Variants in FRMD4A observed in about 807,000 individuals in gnomAD.
FRMD4A encodes FERM domain-containing protein 4A.
A neutral mutation model predicts 129.1 loss-of-function variants in FRMD4A; 29 were observed. The observed-to-expected ratio is 0.22, with a 90% CI of 0.17 to 0.31. The LOEUF (loss-of-function observed/expected upper bound fraction) is 0.31. Among genes scored for constraint, FRMD4A ranks in the 10% least tolerant of loss-of-function variants. The pLI, the probability that FRMD4A is intolerant of heterozygous loss-of-function variation, is 1.00. For missense variants in FRMD4A, 1,272 were observed against 1,375.8 expected, an observed-to-expected ratio of 0.92 and a Z score of 1.19; for synonymous variants, 634 against 571.6, an observed-to-expected ratio of 1.11 and a Z score of -1.56.
chr10:13,700,277 C>T (rs1203699939), intron 14 of FRMD4A, among the ~76,000 whole-genome samples: 1 of 150,852 alleles, frequency 6.6e-6, no homozygotes, highest in Admixed American at 6.6e-5. Context: ...TTATCACCTC[C>T]CCCTTGACCC....
At chr10:13,910,982 G>C (rs1361589263) in intron 2 of FRMD4A, among the ~76,000 whole-genome samples, 2 of 149,172 alleles carry the variant, frequency 1.3e-5, no homozygotes, top group South Asian at 2.1e-4. Context: ...AATGAAAACT[G>C]CCTCTGAAAT....
chr10:14,233,827 C>A (rs1251585508), intron 2 of FRMD4A, among the ~76,000 whole-genome samples: 1 of 152,182 alleles, frequency 6.6e-6, no homozygotes, highest in Non-Finnish European at 1.5e-5. Flanking sequence ...ATTTCAAGAG[C>A]TAAAGTCAGA....
Position 13,975,769 on chromosome 10 carries a change from G to A in FRMD4A, c.46-116857C>T, listed in dbSNP as rs570204548. On this transcript the variant is annotated intron_variant, in intron 2 of 24. Transcript: ENST00000357447. ...GTCTCTTGTGTTTCTATGTGTGTGT[G>A]TACACACCTTCATCTTACAGAGGAG... Among the ~76,000 whole-genome samples the A allele has an allele frequency of 3.3e-5, 5 of 151,872 alleles. No individual in the cohort carries two copies. The South Asian group carries it at 1.0e-3, about 32-fold the overall frequency.
intron 2 of FRMD4A, among the ~76,000 whole-genome samples, chr10:13,954,492 C>A (rs533785953): frequency 1.3e-5 from 2 of 152,132 alleles, no homozygotes; most frequent in Admixed American, 6.5e-5. Context: ...AACCTCCCAC[C>A]GGGTCTCTCT....
intron 2 of FRMD4A, among the ~76,000 whole-genome samples, chr10:14,137,712 C>T (rs56371922): frequency 6.6e-6 from 1 of 152,078 alleles, no homozygotes; most frequent in African/African-American, 2.4e-5. Flanking sequence ...CATCTCTCTT[C>T]ATTAGCCATC....
At chr10:13,750,535 C>T (rs1445633697) in intron 8 of FRMD4A, among the ~76,000 whole-genome samples, 1 of 152,292 alleles carries the variant, frequency 6.6e-6, no homozygotes, top group East Asian at 1.9e-4. Context: ...CACCCTTGGG[C>T]TCTGATGTAA....
At chr10:14,299,979 G>A (rs1846132559) in intron 2 of FRMD4A, among the ~76,000 whole-genome samples, 1 of 151,964 alleles carries the variant, frequency 6.6e-6, no homozygotes, top group Admixed American at 6.6e-5. Flanking sequence ...GAAAGAGAAA[G>A]TGCAAAGTGA....
At chr10:13,681,578 G>GTA (rs376558569) in intron 15 of FRMD4A, among the ~76,000 whole-genome samples, 85 of 151,332 alleles carry the variant, frequency 5.6e-4, no homozygotes, top group African/African-American at 8.0e-4. Context: ...ATGTATATGT[G>GTA]TATATATATA....
At chr10:14,174,136 G>A (rs925916444) in intron 2 of FRMD4A, among the ~76,000 whole-genome samples, 1 of 151,806 alleles carries the variant, frequency 6.6e-6, no homozygotes, top group Non-Finnish European at 1.5e-5. Context: ...GAGCCATGTC[G>A]GGAGCCGTGG....
intron 2 of FRMD4A, among the ~76,000 whole-genome samples, chr10:14,319,327 T>G (rs1280835405): frequency 9.4e-6 from 1 of 105,976 alleles, no homozygotes; most frequent in African/African-American, 3.1e-5. Flanking sequence ...TTTACAGCAG[T>G]AGTAACTGAA....
At chr10:13,953,063 T>C (rs1458130595) in intron 2 of FRMD4A, among the ~76,000 whole-genome samples, 2 of 152,114 alleles carry the variant, frequency 1.3e-5, no homozygotes, top group African/African-American at 4.8e-5. Context: ...TCATAGCTAT[T>C]ACCTTACACC....
chr10:13,873,382 G>A (rs2094458807), intron 2 of FRMD4A, among the ~76,000 whole-genome samples: 1 of 152,080 alleles, frequency 6.6e-6, no homozygotes, highest in Non-Finnish European at 1.5e-5. Flanking sequence ...ATGAGGAAGT[G>A]AAGATTGAGA....
In FRMD4A at chr10:13,856,018, CTATCTAT is replaced by C. The variant is rs2094207181; in HGVS notation, c.111+2822_111+2828del. Among the ~76,000 whole-genome samples the C allele has an allele frequency of 4.4e-3, 102 of 23,164 alleles. 1 individual carries two copies. The highest frequency in any genetic ancestry group is 0.011 in the African/African-American group (96 of 8,918). 15.2% of individuals were successfully genotyped at this position (23,164 alleles called of 152,430 possible). On this transcript the variant is annotated intron_variant, in intron 3 of 24. Coordinates refer to ENST00000357447, the MANE Select transcript of FRMD4A (RefSeq NM_018027.5). ...TTAGCTTACCACACACAAATACTAT[CTATCTAT>C]CTATCTATCTATCTATCTATCTATC...
chr10:14,241,819 C>G (rs1234099533), intron 2 of FRMD4A, among the ~76,000 whole-genome samples: 1 of 150,708 alleles, frequency 6.6e-6, no homozygotes, highest in Non-Finnish European at 1.5e-5. Flanking sequence ...TGTTGTCCAT[C>G]TGCCCTACAG....
chr10:14,289,149 G>A (rs1278664150), intron 2 of FRMD4A, among the ~76,000 whole-genome samples: 1 of 152,058 alleles, frequency 6.6e-6, no homozygotes, highest in Admixed American at 6.6e-5. Flanking sequence ...TGGGATTGCT[G>A]GTTTATATGA....
intron 15 of FRMD4A, among the ~76,000 whole-genome samples, chr10:13,678,175 C>T (rs74393947): frequency 6.6e-6 from 1 of 152,188 alleles, no homozygotes; most frequent in African/African-American, 2.4e-5. Context: ...GCCTAGATAC[C>T]AAGCCCACAG....
At chr10:13,779,300 A>T (rs1041656965) in intron 6 of FRMD4A, among the ~76,000 whole-genome samples, 2 of 148,306 alleles carry the variant, frequency 1.3e-5, no homozygotes, top group African/African-American at 5.0e-5. Flanking sequence ...TGGGCTACAG[A>T]GTGAGACTCC....
intron 2 of FRMD4A, among the ~76,000 whole-genome samples, chr10:13,941,391 T>C (rs562997542): frequency 3.8e-4 from 58 of 152,352 alleles, no homozygotes; most frequent in African/African-American, 1.3e-3. Context: ...AACTTCTTTT[T>C]CTTTATAAGT....
chr10:14,110,585 T>C lies in FRMD4A; in HGVS notation c.45+219473A>G, dbSNP rs182229783. On this transcript the variant is annotated intron_variant, in intron 2 of 24. Coordinates refer to ENST00000357447, the MANE Select transcript of FRMD4A (RefSeq NM_018027.5). Reference sequence around the variant, plus strand: ...CAAGACTGGAAGATACTCCAAAAAATGGTCCATCTAGTCACCTGAAATATA... The same window carrying C: ...CAAGACTGGAAGATACTCCAAAAAACGGTCCATCTAGTCACCTGAAATATA... 4.4e-4 allele frequency among the ~76,000 whole-genome samples: 67 copies of C among 152,218 alleles called. 1 individual carries two copies. The highest frequency in any genetic ancestry group is 3.7e-3 in the Admixed American group (57 of 15,292).
Sources: gnomAD v4.1 joint callset for allele counts (sites outside exome capture counted in the v4.1 genomes callset) on GRCh38, gnomAD v4.1.1 for gene constraint, MANE v1.5 for transcripts, NCBI Gene and HGNC (gene_info 2026-07-23, HGNC 2026-07-21) for gene names.